Variants in INPP5F observed in about 807,000 individuals in gnomAD.
INPP5F encodes inositol polyphosphate-5-phosphatase F.
A neutral mutation model predicts 137.2 loss-of-function variants in INPP5F; 97 were observed. That is an observed-to-expected ratio of 0.71 (90% CI 0.60 to 0.84). INPP5F has a LOEUF of 0.84. INPP5F is among the 40% of genes least tolerant of loss of function. INPP5F has a pLI of 0.00. For missense variants in INPP5F, 1,271 were observed against 1,371.9 expected, an observed-to-expected ratio of 0.93 and a Z score of 1.16; for synonymous variants, 504 against 476.9, an observed-to-expected ratio of 1.06 and a Z score of -0.74.
chr10:119,788,871 A>G (rs574571339), intron 3 of INPP5F, among the ~76,000 whole-genome samples: 2 of 152,300 alleles, frequency 1.3e-5, no homozygotes, highest in South Asian at 4.1e-4. Flanking sequence ...ATTTACTTGA[A>G]ATAGCGGACC....
At chr10:119,734,823 A>C (rs196224) in intron 1 of INPP5F, among the ~76,000 whole-genome samples, 152,215 of 152,284 alleles carry the variant, frequency 1, 76,073 homozygotes, top group Middle Eastern at 1. Flanking sequence ...AGAAATCTAC[A>C]TTTGCAAACA....
chr10:119,728,388 A>AT (rs1847951406), intron 1 of INPP5F, among the ~76,000 whole-genome samples: 1 of 152,238 alleles, frequency 6.6e-6, no homozygotes, highest in Non-Finnish European at 1.5e-5. Context: ...TTTTAATTGA[A>AT]TAAGTGCTTT....
At chr10:119,750,936 C>CT in intron 1 of INPP5F, 140 bp from the exon 2 acceptor site, 1 of 644,904 alleles carries the variant, frequency 1.6e-6, no homozygotes, top group Non-Finnish European at 2.8e-6. Context: ...TCACAAATTG[C>CT]TTTATGGTAA....
At chr10:119,779,806 T>C (rs1849643987) in intron 2 of INPP5F, among the ~76,000 whole-genome samples, 1 of 152,202 alleles carries the variant, frequency 6.6e-6, no homozygotes, top group Non-Finnish European at 1.5e-5. Flanking sequence ...TTTAAAACTT[T>C]TTGACTCTTC....
intron 2 of INPP5F, 60 bp downstream of exon 2, chr10:119,751,216 C>T (rs2134124779): frequency 2.9e-6 from 3 of 1,045,768 alleles, no homozygotes; most frequent in Non-Finnish European, 4.5e-6. Flanking sequence ...TTGGTGTTTT[C>T]CTCTTTGAGG....
intron 2 of INPP5F, among the ~76,000 whole-genome samples, chr10:119,752,098 C>T (rs1848705493): frequency 6.6e-6 from 1 of 152,006 alleles, no homozygotes; most frequent in South Asian, 2.1e-4. Context: ...CATTTGGGAG[C>T]TAGATTGATT....
At chr10:119,786,953 A>G (rs1011228276) in intron 3 of INPP5F, among the ~76,000 whole-genome samples, 7 of 152,110 alleles carry the variant, frequency 4.6e-5, no homozygotes, top group African/African-American at 1.7e-4. Flanking sequence ...GGGGGGCCAT[A>G]TTTGTTTTAG....
intron 15 of INPP5F, among the ~76,000 whole-genome samples, chr10:119,814,130 G>A (rs186424015): frequency 3.9e-4 from 59 of 152,030 alleles, no homozygotes; most frequent in African/African-American, 1.4e-3. Context: ...GGTGGCTCAC[G>A]CCTGTAATCC....
At chr10:119,816,224 A>T (rs935033621) in intron 15 of INPP5F, 3 of 152,484 alleles carry the variant, frequency 2.0e-5, no homozygotes, top group Non-Finnish European at 4.4e-5. Context: ...GAGGTGGAGC[A>T]GGGGCTGGCT....
At chr10:119,796,099 A>C (rs968343164) in intron 6 of INPP5F, among the ~76,000 whole-genome samples, 2 of 146,798 alleles carry the variant, frequency 1.4e-5, no homozygotes, top group African/African-American at 2.5e-5. Context: ...GGAGGGGGAG[A>C]GGGAGAGGGA....
intron 2 of INPP5F, among the ~76,000 whole-genome samples, chr10:119,757,178 G>A (rs549844378): frequency 8.0e-4 from 121 of 152,074 alleles, no homozygotes; most frequent in African/African-American, 2.8e-3. Context: ...GGGTTCAAGC[G>A]ATTCTCCTGC....
At chr10:119,766,393 A>G (rs577937663) in intron 2 of INPP5F, among the ~76,000 whole-genome samples, 5 of 152,342 alleles carry the variant, frequency 3.3e-5, no homozygotes, top group Admixed American at 3.3e-4. Flanking sequence ...GATATTTCAT[A>G]CACTTTAAAA....
intron 2 of INPP5F, among the ~76,000 whole-genome samples, chr10:119,754,148 G>C (rs1848767910): frequency 6.6e-6 from 1 of 152,234 alleles, no homozygotes; most frequent in Non-Finnish European, 1.5e-5. Flanking sequence ...TTCTAGGTAA[G>C]AGACTTATTT....
intron 15 of INPP5F, among the ~76,000 whole-genome samples, chr10:119,818,459 C>T (rs772286132): frequency 2.0e-5 from 3 of 152,234 alleles, no homozygotes; most frequent in Non-Finnish European, 2.9e-5. Context: ...GCAGTACCCT[C>T]GCCCGGCCCG....
chr10:119,771,853 T>G (rs1412163802), intron 2 of INPP5F, among the ~76,000 whole-genome samples: 70 of 5,954 alleles, frequency 0.012, no homozygotes, highest in Non-Finnish European at 0.017. Context: ...GAGATATATA[T>G]ATATATATAT....
intron 2 of INPP5F, 74 bp downstream of exon 2, chr10:119,751,230 C>A: frequency 1.1e-6 from 1 of 905,800 alleles, no homozygotes; most frequent in Non-Finnish European, 1.9e-6. Flanking sequence ...TTTGAGGATA[C>A]ATGAGATTCT....
rs1012956189 is a variant in INPP5F, at chr10:119,740,044, C to G, written c.98-11032C>G. On this transcript the variant is annotated intron_variant, in intron 1 of 19. Coordinates refer to ENST00000650623, the MANE Select transcript of INPP5F (RefSeq NM_014937.4). ...ATTATGCTTTTCTTAATTTTTTTCC[C>G]CCTATTTTCTATTGGATAACTGAAA... Among the ~76,000 whole-genome samples the G allele has an allele frequency of 2.0e-5, 3 of 152,002 alleles. No individual in the cohort carries two copies. The South Asian group carries it at 6.3e-4, about 32-fold the overall frequency.
intron 18 of INPP5F, 91 bp downstream of exon 18, chr10:119,823,290 C>G (rs1851632558): frequency 8.0e-7 from 1 of 1,246,712 alleles, no homozygotes; most frequent in Non-Finnish European, 1.1e-6. Flanking sequence ...CATATCATAA[C>G]CAACTGAATG....
chr10:119,741,541 T>A (rs183714990), intron 1 of INPP5F, among the ~76,000 whole-genome samples: 2 of 152,320 alleles, frequency 1.3e-5, no homozygotes, highest in East Asian at 1.9e-4. Context: ...TTTTAATTTT[T>A]ATTTTTTCTT....
Sources: allele counts gnomAD v4.1 joint callset (sites outside exome capture counted in the v4.1 genomes callset), GRCh38; gene constraint gnomAD v4.1.1; transcripts MANE v1.5; gene names NCBI Gene and HGNC (gene_info 2026-07-23, HGNC 2026-07-21).